Variants in COMMD1 observed in about 807,000 individuals in gnomAD.
COMMD1 encodes the protein copper metabolism domain containing 1.
In COMMD1, 10 loss-of-function variants were observed where a neutral mutation model predicts 17.2. The ratio of observed to expected loss-of-function variants is 0.58; its 90% CI spans 0.36 to 0.99. The LOEUF (loss-of-function observed/expected upper bound fraction) is 0.99, where lower values mean the gene tolerates loss of function less well. Among genes scored for constraint, COMMD1 ranks in the 50% least tolerant of loss-of-function variants. COMMD1 has a pLI of 0.01. For synonymous variants in COMMD1, 97 were observed against 91.6 expected, an observed-to-expected ratio of 1.06 and a Z score of -0.34; for missense variants, 270 against 231.8, an observed-to-expected ratio of 1.17 and a Z score of -1.07.
chr2:61,959,435 CTTAATA>C (rs1413539557), intron 1 of COMMD1, among the ~76,000 whole-genome samples: 1 of 152,116 alleles, frequency 6.6e-6, no homozygotes, highest in African/African-American at 2.4e-5. Flanking sequence ...AGGGGAGGCA[CTTAATA>C]TTTATTGAAA....
intron 2 of COMMD1, among the ~76,000 whole-genome samples, chr2:62,067,078 G>A (rs1336878078): frequency 1.3e-5 from 2 of 151,822 alleles, no homozygotes; most frequent in Non-Finnish European, 2.9e-5. Context: ...CCTAGGTTCC[G>A]GCCGGGCATG....
At chr2:62,004,590 C>T (rs988923837) in intron 2 of COMMD1, among the ~76,000 whole-genome samples, 8 of 152,184 alleles carry the variant, frequency 5.3e-5, no homozygotes, top group Non-Finnish European at 1.2e-4. Flanking sequence ...GCTTGAGCCA[C>T]CGCGCCCGGC....
intron 2 of COMMD1, among the ~76,000 whole-genome samples, chr2:62,044,896 A>G (rs1344252820): frequency 3.9e-5 from 6 of 152,032 alleles, no homozygotes; most frequent in South Asian, 2.1e-4. Context: ...AAGAGCTTCT[A>G]TCATCATAGT....
At chr2:61,902,339 C>G (rs1669674198), upstream of COMMD1, among the ~76,000 whole-genome samples, 1 of 151,488 alleles carries the variant, frequency 6.6e-6, no homozygotes, top group Non-Finnish European at 1.5e-5. Flanking sequence ...AACCTTGTCT[C>G]TACTAAAAAT....
In COMMD1 at chr2:61,951,200, A is replaced by T. The variant is rs181069504; in HGVS notation, c.180+45342A>T. Among the ~76,000 whole-genome samples, 381 of 152,284 alleles carry T rather than the reference A, an allele frequency of 2.5e-3. 1 individual carries two copies. The highest frequency in any genetic ancestry group is 4.5e-3 in the Non-Finnish European group (303 of 68,022). The stretch of plus-strand genomic sequence containing the variant: ...TTTCTGCGGCTGGGCACAGTGGCTT[A>T]TATCTGTAATCCCAGCACTTCGGGA... On this transcript the variant is annotated intron_variant, in intron 1 of 2. Coordinates refer to ENST00000311832, the MANE Select transcript of COMMD1 (RefSeq NM_152516.4).
chr2:62,042,068 C>A (rs1344712249), intron 2 of COMMD1, among the ~76,000 whole-genome samples: 1 of 152,164 alleles, frequency 6.6e-6, no homozygotes, highest in Non-Finnish European at 1.5e-5. Flanking sequence ...CTGATTGGTC[C>A]ATTTTACAGA....
chr2:62,022,070 A>G (rs1318347238), intron 2 of COMMD1, among the ~76,000 whole-genome samples: 3 of 151,806 alleles, frequency 2.0e-5, no homozygotes, highest in Non-Finnish European at 4.4e-5. Context: ...ATTTACCCCT[A>G]TGTAGATCTT....
intron 1 of COMMD1, among the ~76,000 whole-genome samples, chr2:61,987,551 G>A (rs942698486): frequency 6.6e-6 from 1 of 152,178 alleles, no homozygotes; most frequent in East Asian, 1.9e-4. Context: ...CACTTTCTCT[G>A]TGCTGGACTA....
intron 1 of COMMD1, among the ~76,000 whole-genome samples, chr2:61,949,306 C>T (rs963658032): frequency 1.3e-5 from 2 of 152,038 alleles, no homozygotes; most frequent in Admixed American, 1.3e-4. Flanking sequence ...ACCGAGAAGC[C>T]TTGAAACAAA....
At chr2:61,931,862 G>A (rs886129328) in intron 1 of COMMD1, among the ~76,000 whole-genome samples, 5 of 152,204 alleles carry the variant, frequency 3.3e-5, no homozygotes, top group African/African-American at 4.8e-5. Flanking sequence ...GTTAGTTTCC[G>A]TTAGGAAAGA....
intron 2 of COMMD1, among the ~76,000 whole-genome samples, chr2:62,012,755 A>T (rs1041393181): frequency 1.3e-5 from 2 of 152,318 alleles, no homozygotes; most frequent in Admixed American, 1.3e-4. Context: ...AAGCTATTAT[A>T]AGCAAAAGGA....
chr2:61,938,280 CAA>C (rs36082372), intron 1 of COMMD1, among the ~76,000 whole-genome samples: 18 of 127,872 alleles, frequency 1.4e-4, no homozygotes, highest in Admixed American at 3.2e-4. Context: ...ATTAAGAGAC[CAA>C]AAAAAAAAAA....
At chr2:62,021,582 A>G (rs191967832) in intron 2 of COMMD1, among the ~76,000 whole-genome samples, 46 of 152,334 alleles carry the variant, frequency 3.0e-4, no homozygotes, top group African/African-American at 1.1e-3. Flanking sequence ...CTTTCTTAAC[A>G]TGGTTGGTTT....
At chr2:62,117,829 C>G (rs571888537) in intron 2 of COMMD1, among the ~76,000 whole-genome samples, 12 of 152,246 alleles carry the variant, frequency 7.9e-5, no homozygotes, top group African/African-American at 2.9e-4. Context: ...TCTTTAGTGG[C>G]TTTTCATTTT....
intron 1 of COMMD1, among the ~76,000 whole-genome samples, chr2:61,922,057 AT>A (rs1178070818): frequency 6.6e-6 from 1 of 152,214 alleles, no homozygotes; most frequent in African/African-American, 2.4e-5. Flanking sequence ...TACAAGAAAA[AT>A]TGTAGAAAAT....
chr2:62,118,657 T>C (rs532664496), intron 2 of COMMD1, among the ~76,000 whole-genome samples: 26 of 152,316 alleles, frequency 1.7e-4, no homozygotes, highest in Admixed American at 4.6e-4. Context: ...GAGAGATTTC[T>C]TTTGTGCCAT....
chr2:61,965,474 G>T (rs1487884524), intron 1 of COMMD1, among the ~76,000 whole-genome samples: 1 of 152,206 alleles, frequency 6.6e-6, no homozygotes, highest in Non-Finnish European at 1.5e-5. Flanking sequence ...GATGTCATCT[G>T]TAGGCCTCCC....
intron 2 of COMMD1, among the ~76,000 whole-genome samples, chr2:62,003,791 G>T (rs150533600): frequency 3.7e-4 from 56 of 152,250 alleles, no homozygotes; most frequent in African/African-American, 1.3e-3. Context: ...AACATAATCT[G>T]TTTTAAGACT....
chr2:61,916,367 C>T (rs1670051656), intron 1 of COMMD1, among the ~76,000 whole-genome samples: 1 of 152,156 alleles, frequency 6.6e-6, no homozygotes, highest in Non-Finnish European at 1.5e-5. Context: ...ACAGCCTTTT[C>T]TTTCTTTCAG....
Sources: gnomAD v4.1 joint callset for allele counts (sites outside exome capture counted in the v4.1 genomes callset) on GRCh38, gnomAD v4.1.1 for gene constraint, MANE v1.5 for transcripts, NCBI Gene and HGNC (gene_info 2026-07-23, HGNC 2026-07-21) for gene names.